VKORC1L1: variants seen among roughly 807,000 people sequenced by gnomAD.
The protein encoded by VKORC1L1 is vitamin K epoxide reductase complex subunit 1L1, also known as vitamin K epoxide reductase complex subunit 1-like protein 1.
VKORC1L1 carries 2 observed loss-of-function variants against 18.9 expected under a neutral mutation model. The observed-to-expected ratio is 0.11, with a 90% CI of 0.04 to 0.33. The LOEUF is 0.33. Among genes scored for constraint, VKORC1L1 ranks in the 10% least tolerant of loss-of-function variants. VKORC1L1 has a pLI of 1.00. For missense variants in VKORC1L1, 123 were observed against 224.1 expected (o/e 0.55, Z 2.88); for synonymous variants, 96 against 100.0 (o/e 0.96, Z 0.24).
In VKORC1L1 at chr7:65,873,118, A is replaced by C. The variant is rs1026328298; in HGVS notation, c.-254A>C. The C allele has an allele frequency of 1.8e-5, 4 of 222,260 alleles. No individual in the cohort carries two copies. Among genetic ancestry groups the C allele is most frequent in the African/African-American group, 2.6e-5 (1 of 38,780 alleles). The allele number at this position is 222,260 out of a possible 1,614,324, so 13.8% of individuals were successfully genotyped here. On this transcript the variant is annotated 5_prime_UTR_variant, in exon 1 of 3. Transcript: ENST00000360768. The stretch of plus-strand genomic sequence containing the variant: ...GGCCTCTTCGGCCGTTGCGCACTCC[A>C]CCCCCTCCCTCCGCGCCCGCGCGCG...
At chr7:65,879,831 T>C (rs1360442489) in intron 1 of VKORC1L1, among the ~76,000 whole-genome samples, 1 of 151,854 alleles carries the variant, frequency 6.6e-6, no homozygotes, top group East Asian at 1.9e-4. Context: ...CCTTTCCTTT[T>C]TTTTTCTTTC....
At chr7:65,914,576 A>G (rs553927452) in intron 1 of VKORC1L1, among the ~76,000 whole-genome samples, 4 of 152,216 alleles carry the variant, frequency 2.6e-5, no homozygotes, top group African/African-American at 7.2e-5. Flanking sequence ...CACAGCCCAT[A>G]TACCATGGAG....
chr7:65,936,921 CCA>C (rs1789953855), intron 1 of VKORC1L1, among the ~76,000 whole-genome samples: 2 of 152,170 alleles, frequency 1.3e-5, no homozygotes, highest in African/African-American at 4.8e-5. Context: ...ATGCTTACAG[CCA>C]CAGAGACCCC....
At chr7:65,914,428 C>A (rs1033122983) in intron 1 of VKORC1L1, among the ~76,000 whole-genome samples, 3 of 152,036 alleles carry the variant, frequency 2.0e-5, no homozygotes, top group African/African-American at 7.2e-5. Flanking sequence ...GCCACTGTCT[C>A]TCCTATCCCT....
chr7:65,946,630 C>G (rs1790123298), intron 1 of VKORC1L1, among the ~76,000 whole-genome samples: 1 of 152,086 alleles, frequency 6.6e-6, no homozygotes, highest in Admixed American at 6.6e-5. Context: ...AAGGTGTGTC[C>G]ATTGCTGCAG....
At chr7:65,876,371 A>G (rs909160717) in intron 1 of VKORC1L1, among the ~76,000 whole-genome samples, 12 of 152,014 alleles carry the variant, frequency 7.9e-5, no homozygotes, top group Non-Finnish European at 8.8e-5. Context: ...GCGTGGTAGC[A>G]TGCACCTGTA....
chr7:65,889,829 CT>C (rs1789081322), intron 1 of VKORC1L1, among the ~76,000 whole-genome samples: 2 of 152,310 alleles, frequency 1.3e-5, no homozygotes, highest in Admixed American at 1.3e-4. Context: ...CTTTACTTGG[CT>C]GCTTTCACTC....
chr7:65,895,510 T>TAC lies in VKORC1L1; in HGVS notation c.194+21946_194+21947insCA, dbSNP rs1391679092. On this transcript the variant is annotated intron_variant, in intron 1 of 2. Coordinates refer to ENST00000360768, the MANE Select transcript of VKORC1L1 (RefSeq NM_173517.6). Reference sequence around the variant, plus strand: ...ATATATATATATATATATATATATATATATATACACACACACACACACACA... The same window carrying TAC: ...ATATATATATATATATATATATATATACATATATACACACACACACACACACA... Among the ~76,000 whole-genome samples, 426 of 88,370 alleles carry TAC rather than the reference T, an allele frequency of 4.8e-3. 7 individuals carry two copies. The highest frequency in any genetic ancestry group is 7.4e-3 in the Non-Finnish European group (332 of 45,044). 58.0% of individuals were successfully genotyped at this position (88,370 alleles called of 152,430 possible).
At chr7:65,915,818 A>G (rs1187586621) in intron 1 of VKORC1L1, among the ~76,000 whole-genome samples, 3 of 152,018 alleles carry the variant, frequency 2.0e-5, no homozygotes, top group Non-Finnish European at 4.4e-5. Flanking sequence ...CAATACTTGT[A>G]TAAGAGGAAA....
intron 1 of VKORC1L1, among the ~76,000 whole-genome samples, chr7:65,897,989 A>T (rs1440012818): frequency 6.6e-6 from 1 of 151,956 alleles, no homozygotes; most frequent in Non-Finnish European, 1.5e-5. Flanking sequence ...CTGTGTTTAT[A>T]AGCACAAAAA....
chr7:65,902,537 G>C (rs548677842), intron 1 of VKORC1L1, among the ~76,000 whole-genome samples: 1 of 152,208 alleles, frequency 6.6e-6, no homozygotes, highest in Admixed American at 6.5e-5. Flanking sequence ...TAACATATGT[G>C]TAATTGGAGC....
At chr7:65,872,985 GCCCATCCCCACCCCTGCCCCA>G (rs551718785), upstream of VKORC1L1, among the ~76,000 whole-genome samples, 19,820 of 46,676 alleles carry the variant, frequency 0.42, 1,929 homozygotes, top group Non-Finnish European at 0.48. Flanking sequence ...CCCCTGCCCC[GCCCATCCCCACCCCTGCCCCA>G]CCCCTTTCTC....
intron 1 of VKORC1L1, among the ~76,000 whole-genome samples, chr7:65,899,667 G>A (rs1789276348): frequency 1.3e-5 from 2 of 152,226 alleles, no homozygotes. Context: ...TCTGGCCTGT[G>A]AAAACAGCTG....
At chr7:65,953,961 A>T in intron 2 of VKORC1L1, 113 bp from the exon 3 acceptor site, 1 of 887,926 alleles carries the variant, frequency 1.1e-6, no homozygotes, top group Non-Finnish European at 1.7e-6. Context: ...CAGAGTTGGC[A>T]GGAAGATCAG....
chr7:65,944,431 G>C (rs550399188), intron 1 of VKORC1L1, among the ~76,000 whole-genome samples: 1 of 152,108 alleles, frequency 6.6e-6, no homozygotes, highest in Admixed American at 6.6e-5. Context: ...AGGTGGAGAT[G>C]AAACAAGAAA....
Position 65,878,143 on chromosome 7 carries a change from T to C in VKORC1L1, c.194+4578T>C, listed in dbSNP as rs61128682. ...TACCCCATTGAGATAATAAAACTTT[T>C]AGAATTAGAATAGAACCTAGGGCTG... On this transcript the variant is annotated intron_variant, in intron 1 of 2. Coordinates refer to ENST00000360768, the MANE Select transcript of VKORC1L1 (RefSeq NM_173517.6). 2.5e-3 allele frequency among the ~76,000 whole-genome samples: 381 copies of C among 152,192 alleles called. 3 individuals are homozygous for C. Among genetic ancestry groups the C allele is most frequent in the African/African-American group, 8.7e-3 (361 of 41,534 alleles).
At chr7:65,882,081 GAAAAT>G (rs992484396) in intron 1 of VKORC1L1, among the ~76,000 whole-genome samples, 14 of 142,966 alleles carry the variant, frequency 9.8e-5, no homozygotes, top group African/African-American at 2.1e-4. Context: ...TCTGTCTCAA[GAAAAT>G]AAAATAAAAT....
At chr7:65,890,792 C>G (rs1443990949) in intron 1 of VKORC1L1, among the ~76,000 whole-genome samples, 4 of 152,182 alleles carry the variant, frequency 2.6e-5, no homozygotes, top group Admixed American at 2.0e-4. Context: ...ATTAACCATT[C>G]TGGTAGGTAC....
chr7:65,927,296 GA>G (rs5884578), intron 1 of VKORC1L1, among the ~76,000 whole-genome samples: 19,213 of 147,002 alleles, frequency 0.13, 1,374 homozygotes, highest in Middle Eastern at 0.22. Flanking sequence ...TCAAAAAAAG[GA>G]AAAAAAAAAA....
Sources: gnomAD v4.1 joint callset for allele counts (sites outside exome capture counted in the v4.1 genomes callset) on GRCh38, gnomAD v4.1.1 for gene constraint, MANE v1.5 for transcripts, NCBI Gene and HGNC (gene_info 2026-07-23, HGNC 2026-07-21) for gene names.